The following LMBR1 variants were observed in gnomAD, a reference collection of about 807,000 sequenced individuals.
LMBR1 encodes the protein limb development membrane protein 1, also known as limb region 1 protein homolog.
A neutral mutation model predicts 73.9 loss-of-function variants in LMBR1; 52 were observed. The observed-to-expected ratio is 0.70, with a 90% CI of 0.56 to 0.89. The LOEUF (loss-of-function observed/expected upper bound fraction) is 0.89. LMBR1 is among the 40% of genes least tolerant of loss of function. LMBR1 has a pLI of 0.00. For missense variants in LMBR1, 539 were observed against 579.8 expected, an observed-to-expected ratio of 0.93 and a Z score of 0.72; for synonymous variants, 215 against 209.4, an observed-to-expected ratio of 1.03 and a Z score of -0.23.
intron 1 of LMBR1, among the ~76,000 whole-genome samples, chr7:156,890,574 A>C (rs1256599900): frequency 1.3e-5 from 2 of 151,676 alleles, no homozygotes; most frequent in Non-Finnish European, 2.9e-5. Flanking sequence ...AATGGCTAAT[A>C]AACAAACAGG....
chr7:156,753,102 G>T (rs1278141070), intron 9 of LMBR1, among the ~76,000 whole-genome samples: 2 of 152,142 alleles, frequency 1.3e-5, no homozygotes, highest in East Asian at 1.9e-4. Flanking sequence ...ATGCTTGATT[G>T]TAAGATTATG....
At chr7:156,813,119 A>T (rs1216492812) in intron 4 of LMBR1, among the ~76,000 whole-genome samples, 4 of 152,186 alleles carry the variant, frequency 2.6e-5, no homozygotes. Context: ...GTTTGTAGAT[A>T]CAGGGTCTCG....
chr7:156,820,838 C>G (rs1243560695), intron 4 of LMBR1, among the ~76,000 whole-genome samples: 1 of 152,182 alleles, frequency 6.6e-6, no homozygotes, highest in African/African-American at 2.4e-5. Context: ...GCAGGCTGCT[C>G]TGCCTCCTGG....
At chr7:156,779,410 T>A (rs2133165660) in intron 5 of LMBR1, among the ~76,000 whole-genome samples, 1 of 152,370 alleles carries the variant, frequency 6.6e-6, no homozygotes, top group East Asian at 1.9e-4. Context: ...TTAATCACGT[T>A]ATTTCATACC....
At chr7:156,723,670 A>G (rs1056525288) in intron 15 of LMBR1, among the ~76,000 whole-genome samples, 4 of 152,148 alleles carry the variant, frequency 2.6e-5, no homozygotes, top group African/African-American at 9.6e-5. Flanking sequence ...GTGTTCTCAG[A>G]GATTACACTG....
downstream of LMBR1, chr7:156,675,625 G>A (rs1422658817): frequency 3.0e-6 from 4 of 1,342,416 alleles, no homozygotes; most frequent in Non-Finnish European, 4.2e-6. Flanking sequence ...AGATGGTCAG[G>A]CTCGAGAGCG....
At chr7:156,840,113 T>G (rs1472951889) in intron 1 of LMBR1, among the ~76,000 whole-genome samples, 1 of 152,208 alleles carries the variant, frequency 6.6e-6, no homozygotes, top group African/African-American at 2.4e-5. Flanking sequence ...TTAAATTCAT[T>G]CACATTTTAT....
chr7:156,727,952 G>A lies in LMBR1; in HGVS notation c.971C>T (p.Thr324Ile), dbSNP rs1034403166. 5.6e-6 allele frequency: 9 copies of A among 1,613,102 alleles called. No homozygotes were observed. The highest frequency in any genetic ancestry group is 6.8e-6 in the Non-Finnish European group (8 of 1,179,568). The stretch of plus-strand genomic sequence containing the variant: ...TACCCTTGTTCCTTTTGGCATTGCT[G>A]TTTCATCAACCAATAGGCAAAGAAT... The part of the protein sequence containing the change: ...CNILCLLVDE[T>I]AMPKGTRGPG... Residue 324 changes from threonine to isoleucine, a missense_variant, in exon 12 of 17, where the codon ACA (threonine) becomes ATA (isoleucine). By Grantham distance (89) the Thr-to-Ile change is moderately conservative. Transcript: ENST00000353442.
At chr7:156,881,227 T>G (rs1801034818) in intron 1 of LMBR1, among the ~76,000 whole-genome samples, 1 of 152,058 alleles carries the variant, frequency 6.6e-6, no homozygotes, top group East Asian at 1.9e-4. Context: ...AGGCTGCAAA[T>G]AATACACAAC....
rs571653663 is a variant in LMBR1 at position 156,847,621 on chromosome 7, T to C, written c.67-10736A>G. Among the ~76,000 whole-genome samples, 5 of 152,168 alleles carry C rather than the reference T, an allele frequency of 3.3e-5. No homozygotes were observed. In the South Asian group the frequency reaches 6.2e-4, roughly 19 times the overall value. ...GAAAACAAACAGTCCTATTGAAAAA[T>C]GGCCAAAGACCTCATGAGTGAAGAT... On this transcript the variant is annotated intron_variant, in intron 1 of 16. Coordinates refer to ENST00000353442, the MANE Select transcript of LMBR1 (RefSeq NM_022458.4).
intron 9 of LMBR1, among the ~76,000 whole-genome samples, chr7:156,753,294 C>G (rs935411130): frequency 1.3e-5 from 2 of 151,896 alleles, no homozygotes; most frequent in African/African-American, 2.4e-5. Context: ...CAGAAGGGAG[C>G]AGAAAAGGCC....
intron 15 of LMBR1, among the ~76,000 whole-genome samples, chr7:156,716,514 C>T (rs1813242814): frequency 6.6e-6 from 1 of 152,184 alleles, no homozygotes; most frequent in Non-Finnish European, 1.5e-5. Flanking sequence ...CAAAGAAGTG[C>T]ACGCCTAAGC....
Position 156,804,239 on chromosome 7 carries a change from T to G in LMBR1, c.320-7747A>C, listed in dbSNP as rs1438994541. On this transcript the variant is annotated intron_variant, in intron 4 of 16. Transcript: ENST00000353442. ...TCTTGTTTTTGTCTGGCTTCTGTTA[T>G]CTAGCACAACTATTTTGAGATTAGA... Among the ~76,000 whole-genome samples, 7 of 152,378 alleles carry G rather than the reference T, an allele frequency of 4.6e-5. No individual in the cohort carries two copies. The East Asian group carries it at 1.3e-3, about 29-fold the overall frequency.
intron 15 of LMBR1, among the ~76,000 whole-genome samples, chr7:156,723,401 T>C (rs944207089): frequency 2.0e-5 from 3 of 152,096 alleles, no homozygotes; most frequent in Non-Finnish European, 4.4e-5. Context: ...AAAACCTAAG[T>C]CTAGAGAATT....
chr7:156,862,496 GA>G (rs369372865), intron 1 of LMBR1, among the ~76,000 whole-genome samples: 6,194 of 112,104 alleles, frequency 0.055, 159 homozygotes, highest in Admixed American at 0.063. Flanking sequence ...AAATAACATA[GA>G]AAAAAAAAAA....
At chr7:156,693,247 A>G (rs926179744) in intron 15 of LMBR1, among the ~76,000 whole-genome samples, 2 of 149,030 alleles carry the variant, frequency 1.3e-5, no homozygotes, top group Non-Finnish European at 3.0e-5. Flanking sequence ...TAATAATCTC[A>G]AAGAACAAGG....
At chr7:156,792,780 C>T (rs1021460996) in intron 5 of LMBR1, among the ~76,000 whole-genome samples, 1 of 152,250 alleles carries the variant, frequency 6.6e-6, no homozygotes, top group African/African-American at 2.4e-5. Context: ...ATTTCCGCAT[C>T]TCGGCACAAT....
At chr7:156,846,826 G>T (rs973498922) in intron 1 of LMBR1, among the ~76,000 whole-genome samples, 1 of 152,134 alleles carries the variant, frequency 6.6e-6, no homozygotes, top group South Asian at 2.1e-4. Context: ...AGCTAGAAAC[G>T]AGTATCTTGA....
At chr7:156,739,940 T>C (rs1332130530) in intron 9 of LMBR1, among the ~76,000 whole-genome samples, 3 of 152,076 alleles carry the variant, frequency 2.0e-5, no homozygotes, top group Admixed American at 6.6e-5. Context: ...AAGAGAAATA[T>C]ATAACCTTTC....
Sources: gnomAD v4.1 joint callset for allele counts (sites outside exome capture counted in the v4.1 genomes callset) on GRCh38, gnomAD v4.1.1 for gene constraint, MANE v1.5 for transcripts, NCBI Gene and HGNC (gene_info 2026-07-23, HGNC 2026-07-21) for gene names.